The following LYPD6B variants were observed in gnomAD, a reference collection of about 807,000 sequenced individuals.
The protein encoded by LYPD6B is LY6/PLAUR domain containing 6B.
A neutral mutation model predicts 22.8 loss-of-function variants in LYPD6B; 17 were observed. The ratio of observed to expected loss-of-function variants is 0.75; its 90% CI spans 0.51 to 1.12. The LOEUF is 1.12. Among genes scored for constraint, LYPD6B ranks in the 50% most tolerant of loss-of-function variants. The pLI, the probability that LYPD6B is intolerant of heterozygous loss-of-function variation, is 0.00. For missense variants in LYPD6B, 221 were observed against 258.3 expected, an observed-to-expected ratio of 0.86 and a Z score of 0.99; for synonymous variants, 106 against 91.6, an observed-to-expected ratio of 1.16 and a Z score of -0.90.
intron 3 of LYPD6B, among the ~76,000 whole-genome samples, chr2:149,196,054 G>A (rs559210095): frequency 1.3e-5 from 2 of 152,224 alleles, no homozygotes; most frequent in Non-Finnish European, 2.9e-5. Context: ...ACCATTTAAT[G>A]TAGTTTTTCA....
chr2:149,088,758 C>T (rs756188724), intron 1 of LYPD6B, among the ~76,000 whole-genome samples: 17 of 152,136 alleles, frequency 1.1e-4, no homozygotes, highest in East Asian at 7.7e-4. Flanking sequence ...CTAAACAAAA[C>T]GTTGTGGCAT....
intron 2 of LYPD6B, among the ~76,000 whole-genome samples, chr2:149,147,753 A>G (rs963021380): frequency 1.3e-5 from 2 of 152,114 alleles, no homozygotes; most frequent in African/African-American, 4.8e-5. Flanking sequence ...ACCACAGGTG[A>G]TGCACTCATC....
At chr2:149,055,756 C>CT (rs1263369257) in intron 1 of LYPD6B, among the ~76,000 whole-genome samples, 6 of 152,190 alleles carry the variant, frequency 3.9e-5, no homozygotes, top group Non-Finnish European at 7.3e-5. Flanking sequence ...TCAATTAACT[C>CT]TAACAGTTTG....
chr2:149,130,848 G>T lies in LYPD6B; in HGVS notation c.-66-35G>T, dbSNP rs182821016. On this transcript the variant is annotated intron_variant, in intron 1 of 6. Transcript: ENST00000409642. ...TTTATCCCAAATGTCTATAATATCA[G>T]TCATAATGATACCTTTTCATGTTCA... 2.0e-3 allele frequency: 1,810 copies of T among 892,132 alleles called. 4 individuals are homozygous for T. Among genetic ancestry groups the T allele is most frequent in the Non-Finnish European group, 2.9e-3 (1,563 of 530,828 alleles). The allele number at this position is 892,132 out of a possible 1,614,324, so 55.3% of individuals were successfully genotyped here.
intron 2 of LYPD6B, chr2:149,154,117 C>T (rs926723065): frequency 5.6e-6 from 4 of 709,580 alleles, no homozygotes; most frequent in African/African-American, 2.0e-5. Context: ...GTATTTCCCC[C>T]ATCCCCCCAC....
rs867992722 is a variant in LYPD6B, at chr2:149,160,480, G to A, written c.6-284G>A. 26 of 533,100 alleles carry A rather than the reference G, an allele frequency of 4.9e-5. No individual in the cohort carries two copies. The Middle Eastern group carries it at 2.8e-3, about 58-fold the overall frequency. The allele number at this position is 533,100 out of a possible 1,614,324, so 33.0% of individuals were successfully genotyped here. On this transcript the variant is annotated intron_variant, in intron 2 of 6. Coordinates refer to ENST00000409642, the MANE Select transcript of LYPD6B (RefSeq NM_177964.5). ...CCATTTTTGTGGAGGGATGTGATGA[G>A]GTGTATGATTTCACCAATTATTACC...
chr2:149,207,968 G>A (rs966285081), intron 4 of LYPD6B, among the ~76,000 whole-genome samples: 19 of 152,130 alleles, frequency 1.2e-4, no homozygotes, highest in African/African-American at 4.1e-4. Flanking sequence ...GGGATGACAC[G>A]TGTGTTCCAA....
At chr2:149,086,718 T>C (rs1411214807) in intron 1 of LYPD6B, among the ~76,000 whole-genome samples, 1 of 152,172 alleles carries the variant, frequency 6.6e-6, no homozygotes, top group Non-Finnish European at 1.5e-5. Flanking sequence ...TAAAAATTTA[T>C]TTTTTCACAA....
chr2:149,191,015 A>T (rs1692452836), intron 3 of LYPD6B, among the ~76,000 whole-genome samples: 1 of 152,182 alleles, frequency 6.6e-6, no homozygotes, highest in South Asian at 2.1e-4. Context: ...CACTAAAAAA[A>T]ATACATTTTA....
chr2:149,205,810 A>G (rs563501244), intron 4 of LYPD6B, among the ~76,000 whole-genome samples: 107 of 152,262 alleles, frequency 7.0e-4, no homozygotes, highest in African/African-American at 2.5e-3. Context: ...TATGTTTGAA[A>G]TTTGGAGGGA....
In LYPD6B at chr2:149,205,270, G is replaced by A. The variant is rs773641775; in HGVS notation, c.95G>A (p.Arg32His). Residue 32 changes from arginine (R) to histidine (H), a missense_variant, in exon 4 of 7, where the codon CGC (arginine) becomes CAC (histidine). Coordinates refer to ENST00000409642, the MANE Select transcript of LYPD6B (RefSeq NM_177964.5). ...FSFSRYKSSD[R>H]PAHKVSMLLL... ...CACCATAGATATAAGAGTTCGGACC[G>A]CCCAGCACACAAGGTCAGCATGCTG... is the stretch of plus-strand genomic sequence containing the variant. The A allele has an allele frequency of 1.7e-5, 27 of 1,613,286 alleles. No individual in the cohort carries two copies. In the Admixed American group the frequency reaches 2.2e-4, roughly 13 times the overall value.
intron 1 of LYPD6B, among the ~76,000 whole-genome samples, 167 bp downstream of exon 1, chr2:149,038,968 CGGGGCCGCG>C (rs1682934786): frequency 6.7e-6 from 1 of 150,238 alleles, no homozygotes; most frequent in African/African-American, 2.4e-5. Context: ...CGCGGGGCCG[CGGGGCCGCG>C]GCGCAGTGGC....
At chr2:149,180,266 T>A (rs1358845316) in intron 3 of LYPD6B, among the ~76,000 whole-genome samples, 1 of 152,178 alleles carries the variant, frequency 6.6e-6, no homozygotes, top group East Asian at 1.9e-4. Flanking sequence ...TCCCTAAACT[T>A]CCTGATTCAG....
At chr2:149,178,860 A>T (rs1220135254) in intron 3 of LYPD6B, among the ~76,000 whole-genome samples, 1 of 152,186 alleles carries the variant, frequency 6.6e-6, no homozygotes, top group East Asian at 1.9e-4. Context: ...ACCTTCCCCG[A>T]TGGAATGAGA....
intron 2 of LYPD6B, 50 bp downstream of exon 2, chr2:149,131,003 T>G (rs1382957553): frequency 1.6e-6 from 2 of 1,288,946 alleles, no homozygotes; most frequent in African/African-American, 1.5e-5. Context: ...TTTATTTAAC[T>G]ATAAATGCTT....
At chr2:149,105,950 G>A (rs111627214) in intron 1 of LYPD6B, among the ~76,000 whole-genome samples, 277 of 152,106 alleles carry the variant, frequency 1.8e-3, no homozygotes, top group African/African-American at 6.5e-3. Context: ...ACTCTATCAG[G>A]TCCAAAAATC....
chr2:149,070,398 C>G (rs1684542555), intron 1 of LYPD6B, among the ~76,000 whole-genome samples: 1 of 151,940 alleles, frequency 6.6e-6, no homozygotes, highest in Admixed American at 6.6e-5. Flanking sequence ...CTTAATTTTT[C>G]TTCTCTTTAG....
chr2:149,140,389 G>T (rs1461004997), intron 2 of LYPD6B, among the ~76,000 whole-genome samples: 3 of 152,174 alleles, frequency 2.0e-5, no homozygotes, highest in Non-Finnish European at 4.4e-5. Context: ...GGGCGAGGAG[G>T]CTTCCTTCTG....
intron 3 of LYPD6B, among the ~76,000 whole-genome samples, chr2:149,169,239 A>G (rs1690655567): frequency 6.6e-6 from 1 of 152,088 alleles, no homozygotes; most frequent in Non-Finnish European, 1.5e-5. Context: ...CATCACACTC[A>G]TGTCCTTCTC....
Sources: allele counts gnomAD v4.1 joint callset (sites outside exome capture counted in the v4.1 genomes callset), GRCh38; gene constraint gnomAD v4.1.1; transcripts MANE v1.5; gene names NCBI Gene and HGNC (gene_info 2026-07-23, HGNC 2026-07-21).